SLC39A4: variants seen among roughly 807,000 people sequenced by gnomAD.
The protein encoded by SLC39A4 is zinc transporter ZIP4.
A neutral mutation model predicts 56.6 loss-of-function variants in SLC39A4; 49 were observed. The observed-to-expected ratio is 0.87, with a 90% CI of 0.69 to 1.10. SLC39A4 has a LOEUF of 1.10. Ranked by LOEUF, SLC39A4 falls within the 50% of genes least tolerant of loss-of-function variation. The pLI is 0.00. For synonymous variants in SLC39A4, 540 were observed against 420.4 expected (o/e 1.28, Z -3.48); for missense variants, 993 against 864.2 (o/e 1.15, Z -1.87).
chr8:144,413,188 A>ACCCCCCT, intron 10 of SLC39A4, 49 bp downstream of exon 10: 1 of 893,482 alleles, frequency 1.1e-6, no homozygotes, highest in Non-Finnish European at 1.6e-6. Flanking sequence ...CTCCCCTCCC[A>ACCCCCCT]GCCCCGTGCG....
At position 144,413,933 on chromosome 8, in the gene SLC39A4, C is replaced by T. The variant is rs376084728; in HGVS notation, c.1287+25G>A. On this transcript the variant is annotated intron_variant, in intron 7 of 11. Transcript: ENST00000301305. ...CCAGGCCCCCAGCACACCCACCCGC[C>T]GGGTACCTTCCCAAGAAGCCTGACC... 283 of 1,610,678 alleles carry T rather than the reference C, an allele frequency of 1.8e-4. No individual in the cohort carries two copies. In the African/African-American group the frequency reaches 3.3e-3, roughly 19 times the overall value.
chr8:144,415,363 G>GC lies in SLC39A4; in HGVS notation c.530dup (p.Ser178GlnfsTer63), dbSNP rs1822129690. On this transcript the variant is annotated frameshift_variant, in exon 3 of 12. Coordinates refer to ENST00000301305, the MANE Select transcript of SLC39A4 (RefSeq NM_130849.4). LOFTEE classifies it high-confidence loss of function. ...GGGCAGCCAGGACGCCGCCAGCACT[G>GC]CCCGGAGCCCCCGCCCCCACCGCCT... The GC allele has an allele frequency of 3.1e-6, 5 of 1,610,314 alleles. No homozygotes were observed. The highest frequency in any genetic ancestry group is 4.2e-6 in the Non-Finnish European group (5 of 1,178,914).
Position 144,412,801 on chromosome 8 carries a change from T to G in SLC39A4, c.1773A>C (p.Ala591=), listed in dbSNP as rs1216486653. Reference sequence around the variant, plus strand: ...CGTAGAGGAACAGGCCGGTGGCCACTGCCAGGATCCAGGCCTCGCTCTCCT... The same window carrying G: ...CGTAGAGGAACAGGCCGGTGGCCACGGCCAGGATCCAGGCCTCGCTCTCCT... ...VSEESEAWIL[A]VATGLFLYVA... is the part of the protein sequence containing the mutation. Residue 591 remains alanine (A), a synonymous_variant, in exon 11 of 12, where the codon GCA becomes GCC. Transcript: ENST00000301305. The G allele has an allele frequency of 6.2e-7, 1 of 1,612,990 alleles. No individual in the cohort carries two copies. Among genetic ancestry groups the G allele is most frequent in the East Asian group, 2.2e-5 (1 of 44,894 alleles).
intron 5 of SLC39A4, 58 bp from the exon 6 acceptor site, chr8:144,414,492 C>T (rs903330519): frequency 3.9e-5 from 60 of 1,547,390 alleles, no homozygotes; most frequent in South Asian, 8.3e-5. Context: ...CCCTGCTTCC[C>T]GGGCGCTGCT....
chr8:144,416,261 C>A, intron 1 of SLC39A4, 170 bp from the exon 2 acceptor site: 1 of 1,558,104 alleles, frequency 6.4e-7, no homozygotes. Context: ...GTCCTGCTTC[C>A]CCAACTACAG....
chr8:144,415,813 C>A lies in SLC39A4; in HGVS notation c.471G>T (p.Lys157Asn). 1 of 1,594,452 alleles carries A rather than the reference C, an allele frequency of 6.3e-7. No homozygotes were observed. The highest frequency in any genetic ancestry group is 8.5e-7 in the Non-Finnish European group (1 of 1,175,750). The change falls in exon 2 of 12, where the codon AAG (lysine) becomes AAT (asparagine). Residue 157 changes from lysine (K) to asparagine (N), a missense_variant. Lys to Asn is a moderately conservative substitution (Grantham distance 94). Coordinates refer to ENST00000301305, the MANE Select transcript of SLC39A4 (RefSeq NM_130849.4). The stretch of plus-strand genomic sequence containing the variant: ...GTCTGCCTGGACTCTCCCTCACCAT[C>A]TTGGGGGTCTGGCCGGCAGCCCGGG... The part of the protein sequence containing the change: ...MQARAAGQTP[K>N]MACVDIPQLL...
rs1822097102 is a variant in SLC39A4 at position 144,414,835 on chromosome 8, G to T, written c.866C>A (p.Thr289Asn). ...GCTCAGTTGGGCCCAGGCCTCCGGG[G>T]TCACCCCAGCCTGTTCCGACAGTCC... ...AYGLSEQAGV[T>N]PEAWAQLSPA... is the part of the protein sequence containing the mutation. Residue 289 changes from threonine to asparagine, a missense_variant, in exon 5 of 12, where the codon ACC becomes AAC. By Grantham distance (65) the Thr-to-Asn change is moderately conservative. Coordinates refer to ENST00000301305, the MANE Select transcript of SLC39A4 (RefSeq NM_130849.4). The T allele has an allele frequency of 5.0e-6, 8 of 1,613,192 alleles. No homozygotes were observed. The highest frequency in any genetic ancestry group is 1.1e-5 in the South Asian group (1 of 91,090).
chr8:144,415,989 C>T lies in SLC39A4; in HGVS notation c.295G>A (p.Ala99Thr), dbSNP rs182506368. 21 of 1,590,446 alleles carry T rather than the reference C, an allele frequency of 1.3e-5. No homozygotes were observed. Among genetic ancestry groups the T allele is most frequent in the Non-Finnish European group, 1.8e-5 (21 of 1,170,114 alleles). ...GGGTTGCTGAGGTACAGGACGGCGG[C>T]GGCACTGAGGCGGGCGACGTACCTG... ...EARYVARLSA[A>T]AVLYLSNPEG... Residue 99 changes from alanine to threonine, a missense_variant, in exon 2 of 12, where the codon GCC (alanine) becomes ACC (threonine). Coordinates refer to ENST00000301305, the MANE Select transcript of SLC39A4 (RefSeq NM_130849.4).
chr8:144,412,439 G>T lies in SLC39A4; in HGVS notation c.*99C>A. 2 of 1,587,198 alleles carry T rather than the reference G, an allele frequency of 1.3e-6. No individual in the cohort carries two copies. The highest frequency in any genetic ancestry group is 2.2e-5 in the South Asian group (2 of 89,878). ...TCCAAGGACAAGAGTGTCTTTACTG[G>T]AGTTGGGACTGGGGCCTCTATAGGG... is the stretch of plus-strand genomic sequence containing the variant. On this transcript the variant is annotated 3_prime_UTR_variant, in exon 12 of 12. Coordinates refer to ENST00000301305, the MANE Select transcript of SLC39A4 (RefSeq NM_130849.4).
intron 2 of SLC39A4, 133 bp downstream of exon 2, chr8:144,415,677 C>A: frequency 7.4e-7 from 1 of 1,355,676 alleles, no homozygotes; most frequent in Non-Finnish European, 9.7e-7. Flanking sequence ...GTTGTGAATC[C>A]CCAGCCGCAG....
Position 144,414,306 on chromosome 8 carries a change from C to T in SLC39A4, c.1105G>A (p.Val369Met). 1 of 1,606,642 alleles carries T rather than the reference C, an allele frequency of 6.2e-7. No homozygotes were observed. ...ACAGCGTCCCCAGTGACTGCACCCA[C>T]TGCCAGGCTCAGGAAGGTCTGCAGG... ...YILQTFLSLA[V>M]GAVTGDAVLH... is the part of the protein sequence containing the mutation. The change falls in exon 6 of 12, where the codon GTG (valine) becomes ATG (methionine). Residue 369 changes from valine (V) to methionine (M), a missense_variant. Coordinates refer to ENST00000301305, the MANE Select transcript of SLC39A4 (RefSeq NM_130849.4).
rs1225160554 is a variant in SLC39A4 at position 144,412,464 on chromosome 8, G to A, written c.*74C>T. The A allele has an allele frequency of 1.9e-6, 3 of 1,612,342 alleles. No individual in the cohort carries two copies. Among genetic ancestry groups the A allele is most frequent in the Admixed American group, 1.7e-5 (1 of 59,988 alleles). On this transcript the variant is annotated 3_prime_UTR_variant, in exon 12 of 12. Coordinates refer to ENST00000301305, the MANE Select transcript of SLC39A4 (RefSeq NM_130849.4). ...GAGTTGGGACTGGGGCCTCTATAGG[G>A]GCTTCTGGTTTCTGGGCTGTAGGTT...
chr8:144,412,479 G>T lies in SLC39A4; in HGVS notation c.*59C>A, dbSNP rs988769313. The T allele has an allele frequency of 6.2e-7, 1 of 1,613,610 alleles. No individual in the cohort carries two copies. Among genetic ancestry groups the T allele is most frequent in the African/African-American group, 1.3e-5 (1 of 75,024 alleles). On this transcript the variant is annotated 3_prime_UTR_variant, in exon 12 of 12. Transcript: ENST00000301305. ...CCTCTATAGGGGCTTCTGGTTTCTG[G>T]GCTGTAGGTTTGTGAGGTGTGGGAT... is the stretch of plus-strand genomic sequence containing the variant.
rs782783048 is a variant in SLC39A4 at position 144,412,806 on chromosome 8, G to C, written c.1768C>G (p.Leu590Val). 4.3e-6 allele frequency: 7 copies of C among 1,613,054 alleles called. No individual in the cohort carries two copies. The highest frequency in any genetic ancestry group is 5.9e-6 in the Non-Finnish European group (7 of 1,179,956). ...GVSEESEAWI[L>V]AVATGLFLYV... is the part of the protein sequence containing the mutation. Reference sequence around the variant, plus strand: ...AGGAACAGGCCGGTGGCCACTGCCAGGATCCAGGCCTCGCTCTCCTCGCTG... The same window carrying C: ...AGGAACAGGCCGGTGGCCACTGCCACGATCCAGGCCTCGCTCTCCTCGCTG... The change falls in exon 11 of 12, where the codon CTG becomes GTG. Residue 590 changes from leucine to valine, a missense_variant. Coordinates refer to ENST00000301305, the MANE Select transcript of SLC39A4 (RefSeq NM_130849.4).
In SLC39A4 at chr8:144,414,000, C is replaced by T; in HGVS notation, c.1245G>A (p.Leu415=). The T allele has an allele frequency of 1.2e-6, 2 of 1,607,694 alleles. No homozygotes were observed. The change falls in exon 7 of 12, where the codon CTG becomes CTA. Residue 415 remains leucine, a synonymous_variant. Coordinates refer to ENST00000301305, the MANE Select transcript of SLC39A4 (RefSeq NM_130849.4). ...AMLAGLYAFF[L]FENLFNLLLP... ...GCAGGAGATTGAAGAGGTTCTCAAA[C>T]AGGAAGAAGGCGTAGAGCCCGGCCA...
chr8:144,413,721 G>A (rs1554872542), intron 8 of SLC39A4, 29 bp downstream of exon 8: 1 of 1,535,164 alleles, frequency 6.5e-7, no homozygotes, highest in Non-Finnish European at 8.7e-7. Flanking sequence ...GGGGCTCCGC[G>A]TGGGATGGGG....
Position 144,412,452 on chromosome 8 carries a change from G to A in SLC39A4, c.*86C>T, listed in dbSNP as rs1821915131. ...GTGTCTTTACTGGAGTTGGGACTGG[G>A]GCCTCTATAGGGGCTTCTGGTTTCT... is the stretch of plus-strand genomic sequence containing the variant. On this transcript the variant is annotated 3_prime_UTR_variant, in exon 12 of 12. Coordinates refer to ENST00000301305, the MANE Select transcript of SLC39A4 (RefSeq NM_130849.4). 6.2e-7 allele frequency: 1 copy of A among 1,605,800 alleles called. No individual in the cohort carries two copies. Among genetic ancestry groups the A allele is most frequent in the Admixed American group, 1.7e-5 (1 of 59,926 alleles).
Position 144,415,244 on chromosome 8 carries a change from A to G in SLC39A4, c.650T>C (p.Val217Ala). The G allele has an allele frequency of 1.2e-6, 2 of 1,612,842 alleles. No homozygotes were observed. The highest frequency in any genetic ancestry group is 1.1e-5 in the South Asian group (1 of 91,074). The change falls in exon 3 of 12, where the codon GTC becomes GCC. Residue 217 changes from valine to alanine, a missense_variant. Coordinates refer to ENST00000301305, the MANE Select transcript of SLC39A4 (RefSeq NM_130849.4). ...DFVFQQHSSE[V>A]PMTLAELSAL... is the part of the protein sequence containing the mutation. Reference sequence around the variant, plus strand: ...GGCCTCACCGGCCAGCGTCATAGGGACCTCGCTGCTGTGCTGCTGGAACAC... The same window carrying G: ...GGCCTCACCGGCCAGCGTCATAGGGGCCTCGCTGCTGTGCTGCTGGAACAC...
chr8:144,412,736 G>A, intron 11 of SLC39A4, 23 bp downstream of exon 11: 1 of 1,613,324 alleles, frequency 6.2e-7, no homozygotes, highest in Non-Finnish European at 8.5e-7. Flanking sequence ...GCCCAGAGCA[G>A]CCCCTCCCCT....
Sources: gnomAD v4.1 joint callset for allele counts on GRCh38, gnomAD v4.1.1 for gene constraint, MANE v1.5 for transcripts, NCBI Gene and HGNC (gene_info 2026-07-23, HGNC 2026-07-21) for gene names.